Variants in VWA3B observed in about 807,000 individuals in gnomAD.
VWA3B encodes the protein von Willebrand factor A domain-containing protein 3B.
In VWA3B, 138 loss-of-function variants were observed where a neutral mutation model predicts 158.3. The ratio of observed to expected loss-of-function variants is 0.87; its 90% CI spans 0.76 to 1.00. The LOEUF is 1.00. VWA3B is among the 50% of genes least tolerant of loss of function. The pLI, the probability that VWA3B is intolerant of heterozygous loss-of-function variation, is 0.00. For missense variants in VWA3B, 1,555 were observed against 1,565.1 expected (o/e 0.99, Z 0.11); for synonymous variants, 596 against 587.3 (o/e 1.01, Z -0.21).
intron 21 of VWA3B, among the ~76,000 whole-genome samples, chr2:98,258,254 T>C (rs1687278037): frequency 6.6e-6 from 1 of 151,926 alleles, no homozygotes; most frequent in South Asian, 2.1e-4. Flanking sequence ...GTTTTAATTA[T>C]TGTAGATTTG....
At chr2:98,206,948 T>C in intron 12 of VWA3B, 1 of 474,156 alleles carries the variant, frequency 2.1e-6, no homozygotes, top group South Asian at 1.5e-5. Flanking sequence ...GTAATGCTGA[T>C]GTAAGGTCAG....
At chr2:98,287,352 A>G (rs1428283310) in intron 22 of VWA3B, among the ~76,000 whole-genome samples, 1 of 152,096 alleles carries the variant, frequency 6.6e-6, no homozygotes, top group African/African-American at 2.4e-5. Context: ...GCTTTTCAGA[A>G]TCCTTAAATA....
chr2:98,196,778 T>A (rs956632321), intron 12 of VWA3B, among the ~76,000 whole-genome samples: 1 of 152,234 alleles, frequency 6.6e-6, no homozygotes, highest in Non-Finnish European at 1.5e-5. Context: ...CTGTTTACCA[T>A]CTGGAATACA....
intron 22 of VWA3B, among the ~76,000 whole-genome samples, chr2:98,285,472 T>G (rs1689114801): frequency 6.6e-6 from 1 of 152,080 alleles, no homozygotes; most frequent in Non-Finnish European, 1.5e-5. Flanking sequence ...TTTTCATTTC[T>G]CTTGACGGGT....
intron 12 of VWA3B, among the ~76,000 whole-genome samples, chr2:98,209,314 A>ACTGT (rs1010230300): frequency 6.6e-6 from 1 of 151,894 alleles, no homozygotes; most frequent in Non-Finnish European, 1.5e-5. Flanking sequence ...GGAGTCTTGT[A>ACTGT]CTGTCGCCCA....
chr2:98,279,133 T>C (rs1325284756), intron 22 of VWA3B, among the ~76,000 whole-genome samples: 1 of 152,168 alleles, frequency 6.6e-6, no homozygotes, highest in Non-Finnish European at 1.5e-5. Context: ...GCCACGTTTA[T>C]CTAGGGGTTA....
intron 9 of VWA3B, among the ~76,000 whole-genome samples, chr2:98,182,030 G>C (rs1680627942): frequency 6.6e-6 from 1 of 152,254 alleles, no homozygotes; most frequent in Non-Finnish European, 1.5e-5. Flanking sequence ...GAACATGGCA[G>C]ATTTGCAAAA....
At position 98,119,608 on chromosome 2, in the gene VWA3B, G is replaced by A. The variant is rs773555499; in HGVS notation, c.387G>A (p.Lys129=). Reference sequence around the variant, plus strand: ...AGCGAATGGACTGGCTCACCAGCAAGAGCCGGCAGATTTTTGGTGTCATCT... The same window carrying A: ...AGCGAATGGACTGGCTCACCAGCAAAAGCCGGCAGATTTTTGGTGTCATCT... ...YKQRMDWLTS[K]SRQIFGVILE... The change falls in exon 4 of 28, where the codon AAG becomes AAA. Residue 129 remains lysine, a synonymous_variant. Coordinates refer to ENST00000477737, the MANE Select transcript of VWA3B (RefSeq NM_144992.5). 3.1e-6 allele frequency: 5 copies of A among 1,614,144 alleles called. No homozygotes were observed. In the South Asian group the frequency reaches 3.3e-5, roughly 11 times the overall value.
chr2:98,190,749 A>G (rs770723442), intron 10 of VWA3B, among the ~76,000 whole-genome samples: 10 of 152,110 alleles, frequency 6.6e-5, no homozygotes, highest in Non-Finnish European at 1.3e-4. Flanking sequence ...GCTCCTCTAC[A>G]CATAATGACT....
intron 19 of VWA3B, among the ~76,000 whole-genome samples, chr2:98,244,111 G>A (rs1686242921): frequency 6.6e-6 from 1 of 152,172 alleles, no homozygotes; most frequent in Non-Finnish European, 1.5e-5. Context: ...ATCAATAGCT[G>A]TGGGCACAGT....
chr2:98,144,889 T>C (rs1677058054), intron 7 of VWA3B, among the ~76,000 whole-genome samples: 1 of 152,216 alleles, frequency 6.6e-6, no homozygotes, highest in Admixed American at 6.5e-5. Flanking sequence ...TGTCCTTTTC[T>C]GCAGTCTTTA....
At chr2:98,314,825 C>A (rs1691055746), downstream of VWA3B, among the ~76,000 whole-genome samples, 1 of 152,056 alleles carries the variant, frequency 6.6e-6, no homozygotes, top group East Asian at 1.9e-4. Context: ...GAGTTCAAGA[C>A]CAGCCTGGCC....
the VWA3B span, among the ~76,000 whole-genome samples, chr2:98,326,274 A>G: frequency 6.6e-6 from 1 of 152,318 alleles, no homozygotes; most frequent in South Asian, 2.1e-4. Context: ...TGGACAAACT[A>G]TTTCCTGAAA....
chr2:98,186,939 CGT>C (rs1474671934), intron 9 of VWA3B, among the ~76,000 whole-genome samples: 2 of 152,126 alleles, frequency 1.3e-5, no homozygotes, highest in Non-Finnish European at 2.9e-5. Context: ...CCCTCCTCTT[CGT>C]GTGTCCCGGC....
Position 98,125,058 on chromosome 2 carries a change from C to T in VWA3B, c.703-3181C>T, listed in dbSNP as rs903134796. On this transcript the variant is annotated intron_variant, in intron 5 of 27. Coordinates refer to ENST00000477737, the MANE Select transcript of VWA3B (RefSeq NM_144992.5). The surrounding 1 kb of genome is among the most constrained non-coding windows in gnomAD (Gnocchi z 4.1). ...AAATCAGCATTTAGGGAAATGTGGT[C>T]GGTGAGGAAGCTACTCCTGGACTGA... is the stretch of plus-strand genomic sequence containing the variant. Among the ~76,000 whole-genome samples the T allele has an allele frequency of 2.6e-5, 4 of 152,160 alleles. No individual in the cohort carries two copies. In the South Asian group the frequency reaches 6.2e-4, roughly 24 times the overall value.
At chr2:98,195,949 C>T (rs758134024) in intron 12 of VWA3B, among the ~76,000 whole-genome samples, 4 of 152,064 alleles carry the variant, frequency 2.6e-5, no homozygotes, top group Non-Finnish European at 5.9e-5. Context: ...AGAAGGAAAT[C>T]CTGTCATTTG....
At chr2:98,311,397 G>A (rs1378613645) in intron 26 of VWA3B, among the ~76,000 whole-genome samples, 1 of 152,174 alleles carries the variant, frequency 6.6e-6, no homozygotes, top group Non-Finnish European at 1.5e-5. Flanking sequence ...GTATACCTTG[G>A]AGTCATTACA....
At chr2:98,312,072 A>G (rs754891770) in intron 27 of VWA3B, 40 bp downstream of exon 27, 38 of 1,596,796 alleles carry the variant, frequency 2.4e-5, no homozygotes, top group South Asian at 2.4e-4. Context: ...CGCTTATCTC[A>G]GGAACACCCT....
intron 12 of VWA3B, among the ~76,000 whole-genome samples, chr2:98,208,777 A>G (rs1683240912): frequency 1.3e-5 from 2 of 152,228 alleles, no homozygotes; most frequent in African/African-American, 2.4e-5. Context: ...AAATGTAACT[A>G]AAGAAATCCA....
Sources: allele counts gnomAD v4.1 joint callset (sites outside exome capture counted in the v4.1 genomes callset), GRCh38; gene constraint gnomAD v4.1.1; non-coding constraint Gnocchi (gnomAD v3.1); transcripts MANE v1.5; gene names NCBI Gene and HGNC (gene_info 2026-07-23, HGNC 2026-07-21).